The following DPY19L2 variants were observed in gnomAD, a reference collection of about 807,000 sequenced individuals.
DPY19L2 encodes dpy-19 like 2.
DPY19L2 carries 34 observed loss-of-function variants against 97.9 expected under a neutral mutation model. The ratio of observed to expected loss-of-function variants is 0.35; its 90% confidence interval spans 0.26 to 0.46. DPY19L2 has a LOEUF of 0.46. Among genes scored for constraint, DPY19L2 ranks in the 20% least tolerant of loss-of-function variants. DPY19L2 has a pLI of 1.00. For missense variants in DPY19L2, 623 were observed against 911.4 expected (o/e 0.68, Z 4.07); for synonymous variants, 230 against 307.9 (o/e 0.75, Z 2.65).
At position 63,654,020 on chromosome 12, in the gene DPY19L2, T is replaced by C. The variant is rs1894628454; in HGVS notation, c.589-6655A>G. ...AAAAAAATAAAAATAAATAAACAAA[T>C]TTAAAAAAATGCAGCCAGCAGAACT... On this transcript the variant is annotated intron_variant, in intron 4 of 21. Coordinates refer to ENST00000324472, the MANE Select transcript of DPY19L2 (RefSeq NM_173812.5). Among the ~76,000 whole-genome samples the C allele has an allele frequency of 2.0e-5, 3 of 151,574 alleles. No homozygotes were observed. The South Asian group carries it at 6.3e-4, about 32-fold the overall frequency.
chr12:63,591,218 A>G (rs1882848610), intron 16 of DPY19L2: 2 of 396,140 alleles, frequency 5.0e-6, no homozygotes, highest in South Asian at 3.6e-5. Context: ...TCTTCTGACA[A>G]CCATACACAG....
chr12:63,614,981 G>A (rs1887612599), intron 11 of DPY19L2, among the ~76,000 whole-genome samples: 2 of 152,010 alleles, frequency 1.3e-5, no homozygotes, highest in Non-Finnish European at 2.9e-5. Flanking sequence ...GTTTTGGGCA[G>A]GAGTACACAA....
At chr12:63,639,340 T>C (rs1308866361) in intron 6 of DPY19L2, among the ~76,000 whole-genome samples, 1 of 152,084 alleles carries the variant, frequency 6.6e-6, no homozygotes, top group Admixed American at 6.6e-5. Context: ...AAAGCCAAAA[T>C]TGACAAATGG....
At chr12:63,589,231 A>C (rs1882398850) in intron 16 of DPY19L2, among the ~76,000 whole-genome samples, 1 of 151,904 alleles carries the variant, frequency 6.6e-6, no homozygotes, top group African/African-American at 2.4e-5. Context: ...AAAGAAGTAT[A>C]AATATTAGAA....
At chr12:63,564,295 T>G (rs1207476235) in intron 21 of DPY19L2, among the ~76,000 whole-genome samples, 4 of 152,150 alleles carry the variant, frequency 2.6e-5, no homozygotes, top group African/African-American at 9.7e-5. Flanking sequence ...ACTTATTCTT[T>G]TTTTCTAGTT....
At chr12:63,629,882 A>C (rs1264617488) in intron 6 of DPY19L2, among the ~76,000 whole-genome samples, 7 of 152,206 alleles carry the variant, frequency 4.6e-5, no homozygotes, top group African/African-American at 7.2e-5. Flanking sequence ...CAGAAACTCT[A>C]CAAGCCAGAA....
intron 18 of DPY19L2, 93 bp downstream of exon 18, chr12:63,582,313 T>C: frequency 7.5e-7 from 1 of 1,339,416 alleles, no homozygotes; most frequent in Non-Finnish European, 1.0e-6. Flanking sequence ...CTTAGTGTGT[T>C]TATATTTTGA....
chr12:63,604,371 A>G (rs893205636), intron 12 of DPY19L2, among the ~76,000 whole-genome samples: 1 of 152,158 alleles, frequency 6.6e-6, no homozygotes, highest in African/African-American at 2.4e-5. Context: ...GCAGGTACAG[A>G]TTCTGCAGGT....
intron 21 of DPY19L2, among the ~76,000 whole-genome samples, chr12:63,562,442 T>C (rs185618885): frequency 0.029 from 4,484 of 152,334 alleles, 99 homozygotes; most frequent in Middle Eastern, 0.082. Flanking sequence ...ATAAGTGGAT[T>C]GTTTCCAGTT....
At chr12:63,565,632 G>T (rs192342627) in intron 21 of DPY19L2, among the ~76,000 whole-genome samples, 1 of 152,068 alleles carries the variant, frequency 6.6e-6, no homozygotes, top group Non-Finnish European at 1.5e-5. Context: ...CATGGCCATC[G>T]TGGGGGGCTC....
chr12:63,606,203 T>C lies in DPY19L2; in HGVS notation c.1278+2413A>G, dbSNP rs866470307. Among the ~76,000 whole-genome samples, 60 of 152,244 alleles carry C rather than the reference T, an allele frequency of 3.9e-4. 1 individual carries two copies. Among genetic ancestry groups the C allele is most frequent in the African/African-American group, 1.3e-3 (56 of 41,574 alleles). On this transcript the variant is annotated intron_variant, in intron 12 of 21. Coordinates refer to ENST00000324472, the MANE Select transcript of DPY19L2 (RefSeq NM_173812.5). ...AATTATTTTATTCTTTCTAGGTAAA[T>C]ATGATACTATAATAAATTTTGCTTC...
intron 11 of DPY19L2, among the ~76,000 whole-genome samples, chr12:63,613,111 T>C (rs1887278868): frequency 6.6e-6 from 1 of 152,066 alleles, no homozygotes; most frequent in African/African-American, 2.4e-5. Context: ...CACAAATTCT[T>C]CAGAAAACTG....
chr12:63,632,664 A>C (rs1055827387), intron 6 of DPY19L2, among the ~76,000 whole-genome samples: 82 of 152,192 alleles, frequency 5.4e-4, no homozygotes, highest in African/African-American at 1.3e-3. Flanking sequence ...GATTCAATGG[A>C]ATCCCCATCA....
At chr12:63,587,788 G>A (rs1403415167) in intron 16 of DPY19L2, among the ~76,000 whole-genome samples, 1 of 151,926 alleles carries the variant, frequency 6.6e-6, no homozygotes, top group Non-Finnish European at 1.5e-5. Context: ...GGCCAGGATG[G>A]TCTCGATCTC....
intron 11 of DPY19L2, among the ~76,000 whole-genome samples, chr12:63,610,880 A>C (rs60461343): frequency 2.3e-4 from 26 of 111,490 alleles, no homozygotes; most frequent in East Asian, 1.1e-3. Flanking sequence ...AAAAAACCAC[A>C]CACACACACA....
At chr12:63,600,915 AG>A (rs1410542073) in intron 12 of DPY19L2, among the ~76,000 whole-genome samples, 1 of 151,790 alleles carries the variant, frequency 6.6e-6, no homozygotes, top group Non-Finnish European at 1.5e-5. Context: ...CCTCCCGAGT[AG>A]CTGGGACCAC....
chr12:63,628,461 C>A (rs1027923965), intron 6 of DPY19L2, among the ~76,000 whole-genome samples: 6 of 152,098 alleles, frequency 3.9e-5, no homozygotes, highest in South Asian at 2.1e-4. Flanking sequence ...ACGGAGCCTC[C>A]CTCATTGCTA....
chr12:63,583,986 T>A (rs1169278774), intron 16 of DPY19L2, 150 bp from the exon 17 acceptor site: 2 of 584,028 alleles, frequency 3.4e-6, no homozygotes, highest in Non-Finnish European at 5.9e-6. Context: ...AAATATCAGA[T>A]AATAGTACAA....
chr12:63,643,054 T>C (rs886633119), intron 6 of DPY19L2, among the ~76,000 whole-genome samples: 4 of 151,978 alleles, frequency 2.6e-5, no homozygotes, highest in Admixed American at 6.6e-5. Context: ...TTTCATTTTC[T>C]ATTTGATGCT....
Sources: allele counts gnomAD v4.1 joint callset (sites outside exome capture counted in the v4.1 genomes callset), GRCh38; gene constraint gnomAD v4.1.1; transcripts MANE v1.5; gene names NCBI Gene and HGNC (gene_info 2026-07-23, HGNC 2026-07-21).